TSHZ1: variants seen among roughly 807,000 people sequenced by gnomAD.
TSHZ1 encodes the protein teashirt zinc finger homeobox 1.
A neutral mutation model predicts 67.1 loss-of-function variants in TSHZ1; 12 were observed. The ratio of observed to expected loss-of-function variants is 0.18; its 90% CI spans 0.11 to 0.29. TSHZ1 has a LOEUF of 0.29. TSHZ1 is among the 10% of genes least tolerant of loss of function. The pLI, the probability that TSHZ1 is intolerant of heterozygous loss-of-function variation, is 1.00. For missense variants in TSHZ1, 1,305 were observed against 1,413.9 expected (o/e 0.92, Z 1.23); for synonymous variants, 632 against 622.4 (o/e 1.02, Z -0.23).
intron 1 of TSHZ1, among the ~76,000 whole-genome samples, chr18:75,270,377 ATTAAC>A (rs1467003508): frequency 6.6e-6 from 1 of 152,258 alleles, no homozygotes; most frequent in Non-Finnish European, 1.5e-5. Context: ...TTCAACAGAT[ATTAAC>A]TTGTTATTAT....
chr18:75,213,558 C>T (rs184340123), intron 1 of TSHZ1, among the ~76,000 whole-genome samples: 3 of 151,894 alleles, frequency 2.0e-5, no homozygotes, highest in Non-Finnish European at 4.4e-5. Context: ...GTTAAAATTG[C>T]GGTGAATATT....
At chr18:75,283,938 G>A (rs1325788490) in intron 1 of TSHZ1, 1 of 152,154 alleles carries the variant, frequency 6.6e-6, no homozygotes. Context: ...CTCAGGCCCT[G>A]GCTCTGATGA....
intron 1 of TSHZ1, among the ~76,000 whole-genome samples, chr18:75,247,295 G>T (rs375556235): frequency 2.0e-5 from 3 of 152,174 alleles, no homozygotes; most frequent in Non-Finnish European, 4.4e-5. Context: ...GCTGCTGGGA[G>T]AGGTACCCCA....
intron 1 of TSHZ1, among the ~76,000 whole-genome samples, chr18:75,247,491 G>A (rs928826413): frequency 1.3e-4 from 20 of 152,224 alleles, no homozygotes; most frequent in African/African-American, 4.1e-4. Context: ...ATTCAGTTGC[G>A]TGAATTGCCT....
intron 1 of TSHZ1, among the ~76,000 whole-genome samples, chr18:75,238,215 G>A (rs778863938): frequency 3.3e-5 from 5 of 152,156 alleles, no homozygotes; most frequent in African/African-American, 4.8e-5. Flanking sequence ...AAGTTTCCCC[G>A]TGGGCACTCA....
At position 75,285,888 on chromosome 18, in the gene TSHZ1, C is replaced by T. The variant is rs202032549; in HGVS notation, c.481C>T (p.Pro161Ser). The stretch of plus-strand genomic sequence containing the variant: ...GAGCTCCGCCCCCACCCCCACACCC[C>T]CCACCTGCCCCGTCAGCACCACTGG... ...KESSAPTPTP[P>S]TCPVSTTGPT... The change falls in exon 2 of 2, where the codon CCC becomes TCC. Residue 161 changes from proline to serine, a missense_variant. Pro to Ser is a moderately conservative substitution (Grantham distance 74). This residue lies in a region of TSHZ1 where 358 missense variants were observed against 375.6 expected (regional missense o/e 0.95). Transcript: ENST00000580243. 2.4e-5 allele frequency: 37 copies of T among 1,542,162 alleles called. No individual in the cohort carries two copies. The Admixed American group carries it at 3.5e-4, about 15-fold the overall frequency.
At chr18:75,273,448 T>C (rs1209235913) in intron 1 of TSHZ1, among the ~76,000 whole-genome samples, 1 of 152,216 alleles carries the variant, frequency 6.6e-6, no homozygotes, top group African/African-American at 2.4e-5. Flanking sequence ...TCCCTAAAAA[T>C]GACTGTTGAC....
chr18:75,213,529 A>G (rs1008021497), intron 1 of TSHZ1, among the ~76,000 whole-genome samples: 10 of 152,188 alleles, frequency 6.6e-5, no homozygotes, highest in Non-Finnish European at 1.3e-4. Flanking sequence ...CTACTCCTGT[A>G]CTCTTAAGAA....
intron 1 of TSHZ1, among the ~76,000 whole-genome samples, chr18:75,272,110 ACAGAG>A (rs1293051541): frequency 2.6e-5 from 4 of 152,234 alleles, no homozygotes; most frequent in Non-Finnish European, 5.9e-5. Context: ...AATCATCTCG[ACAGAG>A]CAGAGAGGGG....
chr18:75,274,634 T>G (rs191951402), intron 1 of TSHZ1, among the ~76,000 whole-genome samples: 1 of 152,320 alleles, frequency 6.6e-6, no homozygotes, highest in African/African-American at 2.4e-5. Flanking sequence ...AATTGTAGCT[T>G]ATAATGAAAA....
At chr18:75,237,545 A>G (rs2023089717) in intron 1 of TSHZ1, among the ~76,000 whole-genome samples, 1 of 152,162 alleles carries the variant, frequency 6.6e-6, no homozygotes, top group Non-Finnish European at 1.5e-5. Flanking sequence ...GAACAGTCAT[A>G]TATCTTACAT....
At chr18:75,244,118 T>G (rs1224035963) in intron 1 of TSHZ1, among the ~76,000 whole-genome samples, 2 of 152,146 alleles carry the variant, frequency 1.3e-5, no homozygotes, top group African/African-American at 2.4e-5. Context: ...GAAAGCAGGT[T>G]GAAGACAGCG....
At chr18:75,232,590 T>C (rs17056696) in intron 1 of TSHZ1, among the ~76,000 whole-genome samples, 4,698 of 152,286 alleles carry the variant, frequency 0.031, 260 homozygotes, top group African/African-American at 0.11. Context: ...GTTCTGCACA[T>C]TGGAAAAGAG....
At chr18:75,277,724 A>G (rs1195470809) in intron 1 of TSHZ1, among the ~76,000 whole-genome samples, 1 of 152,114 alleles carries the variant, frequency 6.6e-6, no homozygotes, top group Admixed American at 6.5e-5. Flanking sequence ...TCCTTCTGCC[A>G]TTACTGTGGG....
chr18:75,270,771 C>T (rs1220513754), intron 1 of TSHZ1, among the ~76,000 whole-genome samples: 3 of 152,140 alleles, frequency 2.0e-5, no homozygotes, highest in African/African-American at 7.2e-5. Context: ...TAATAACTTC[C>T]ACTGTTTAGC....
At chr18:75,211,973 G>A (rs1239494363) in intron 1 of TSHZ1, 57 bp downstream of exon 1, 4 of 1,178,582 alleles carry the variant, frequency 3.4e-6, no homozygotes, top group Non-Finnish European at 4.2e-6. Flanking sequence ...GCAGGAGGAG[G>A]GGGCTTCGCG....
chr18:75,275,483 C>T (rs2023604552), intron 1 of TSHZ1, among the ~76,000 whole-genome samples: 1 of 152,108 alleles, frequency 6.6e-6, no homozygotes, highest in Admixed American at 6.5e-5. Context: ...ACTTAATCTG[C>T]GTTACGTTTC....
chr18:75,237,791 C>CATTTATTATTTATTTATTTATTT (rs2023095563), intron 1 of TSHZ1, among the ~76,000 whole-genome samples: 1 of 143,500 alleles, frequency 7.0e-6, no homozygotes, highest in Non-Finnish European at 1.5e-5. Context: ...TTCTTTCTTT[C>CATTTATTATTTATTTATTTATTT]ATTTATTTAT....
At chr18:75,237,005 C>T (rs969892602) in intron 1 of TSHZ1, among the ~76,000 whole-genome samples, 1 of 152,032 alleles carries the variant, frequency 6.6e-6, no homozygotes, top group Admixed American at 6.5e-5. Context: ...ATTGTTGTGG[C>T]GGGGAATAGC....
Sources: allele counts gnomAD v4.1 joint callset (sites outside exome capture counted in the v4.1 genomes callset), GRCh38; gene constraint gnomAD v4.1.1; regional missense constraint gnomAD v4.1.1; transcripts MANE v1.5; gene names NCBI Gene and HGNC (gene_info 2026-07-23, HGNC 2026-07-21).